CALM2: variants seen among roughly 807,000 people sequenced by gnomAD.
The protein encoded by CALM2 is calmodulin 2, also known as calmodulin-2.
CALM2 carries 2 observed loss-of-function variants against 19.8 expected under a neutral mutation model. The observed-to-expected ratio is 0.10, with a 90% confidence interval of 0.04 to 0.32. The LOEUF is 0.32. Among genes scored for constraint, CALM2 ranks in the 10% least tolerant of loss-of-function variants. The probability of loss-of-function intolerance (pLI) is 1.00; values close to 1 mark genes in which losing one functional copy is unlikely to be tolerated. For synonymous variants in CALM2, 51 were observed against 52.1 expected (o/e 0.98, Z 0.09); for missense variants, 38 against 178.7 (o/e 0.21, Z 4.49).
chr2:47,174,427 T>A (rs998223059), intron 1 of CALM2, among the ~76,000 whole-genome samples: 11 of 152,144 alleles, frequency 7.2e-5, no homozygotes, highest in Non-Finnish European at 1.2e-4. Flanking sequence ...TAATTTTTTT[T>A]AATTGGATTC....
intron 1 of CALM2, chr2:47,173,610 A>T (rs1352023359): frequency 1.3e-5 from 2 of 152,214 alleles, no homozygotes; most frequent in Non-Finnish European, 2.9e-5. Context: ...GCCATTCAAA[A>T]GTATGCATGA....
chr2:47,176,145 G>A (rs1049846789), intron 1 of CALM2: 5 of 454,804 alleles, frequency 1.1e-5, no homozygotes, highest in Non-Finnish European at 2.0e-5. Context: ...CCGTGCACTG[G>A]GCTGTCCCTC....
chr2:47,173,712 CTTCATCCA>C (rs1450657865), intron 1 of CALM2: 3 of 152,184 alleles, frequency 2.0e-5, no homozygotes, highest in Admixed American at 2.0e-4. Context: ...AACTGCTATC[CTTCATCCA>C]TTCCTGTCTG....
chr2:47,166,862 T>A (rs56272864), intron 2 of CALM2, among the ~76,000 whole-genome samples: 1 of 152,174 alleles, frequency 6.6e-6, no homozygotes, highest in African/African-American at 2.4e-5. Context: ...TTCTACATAA[T>A]TGATAGATAT....
Position 47,160,155 on chromosome 2 carries a change from G to C in CALM2, c.*621C>G, listed in dbSNP as rs1687112208. On this transcript the variant is annotated 3_prime_UTR_variant, in exon 6 of 6. Transcript: ENST00000272298. ...TCAACAGTTAAATGACTCAGATGCAGAGCAACCATTGGGTAAATTGTAATT... is the reference window on the plus strand; with the variant it reads ...TCAACAGTTAAATGACTCAGATGCACAGCAACCATTGGGTAAATTGTAATT... The C allele has an allele frequency of 6.6e-6, 1 of 152,554 alleles. No homozygotes were observed. The highest frequency in any genetic ancestry group is 2.4e-5 in the African/African-American group (1 of 41,428). 9.5% of individuals were successfully genotyped at this position (152,554 alleles called of 1,614,324 possible).
chr2:47,170,835 A>G, intron 1 of CALM2, 71 bp from the exon 2 acceptor site: 1 of 1,246,360 alleles, frequency 8.0e-7, no homozygotes, highest in East Asian at 2.3e-5. Context: ...AAACAAGTTT[A>G]AAACCTTTCA....
chr2:47,174,870 G>C (rs983004326), intron 1 of CALM2, among the ~76,000 whole-genome samples: 4 of 152,070 alleles, frequency 2.6e-5, no homozygotes, highest in African/African-American at 9.7e-5. Flanking sequence ...GAAGCATCAA[G>C]ATGAAGCAAA....
chr2:47,176,774 G>GGC (rs1666888295), upstream of CALM2: 5 of 985,332 alleles, frequency 5.1e-6, no homozygotes, highest in Non-Finnish European at 6.0e-6. Flanking sequence ...GCTACTTTGC[G>GGC]GCGCGGAGGA....
At chr2:47,171,464 T>G (rs951451005) in intron 1 of CALM2, 2 of 152,224 alleles carry the variant, frequency 1.3e-5, no homozygotes, top group Non-Finnish European at 2.9e-5. Context: ...ATCCCCTATC[T>G]TACAGATAAG....
chr2:47,175,803 C>T (rs1216130374), intron 1 of CALM2, among the ~76,000 whole-genome samples: 1 of 148,574 alleles, frequency 6.7e-6, no homozygotes, highest in Non-Finnish European at 1.5e-5. Flanking sequence ...CTCCGGGTCC[C>T]GCGAGGCGCT....
At chr2:47,174,696 G>C (rs1029312570) in intron 1 of CALM2, among the ~76,000 whole-genome samples, 15 of 151,474 alleles carry the variant, frequency 9.9e-5, no homozygotes, top group Non-Finnish European at 1.9e-4. Context: ...AAATCTATTC[G>C]AATTACTGAT....
At chr2:47,176,761 G>T, upstream of CALM2, 2 of 985,436 alleles carry the variant, frequency 2.0e-6, no homozygotes, top group South Asian at 9.4e-5. Flanking sequence ...GCCCCTGAGG[G>T]GCGCTACTTT....
chr2:47,167,047 T>A (rs1017882776), intron 2 of CALM2, among the ~76,000 whole-genome samples: 1 of 152,214 alleles, frequency 6.6e-6, no homozygotes, highest in African/African-American at 2.4e-5. Flanking sequence ...AAATAGGTTA[T>A]CACAAGACAA....
At chr2:47,168,112 A>G (rs1035348550) in intron 2 of CALM2, among the ~76,000 whole-genome samples, 3 of 152,104 alleles carry the variant, frequency 2.0e-5, no homozygotes, top group Admixed American at 6.6e-5. Flanking sequence ...GGAATATTCA[A>G]TGATTACTAT....
intron 1 of CALM2, chr2:47,174,169 G>A (rs757067392): frequency 6.6e-6 from 1 of 152,166 alleles, no homozygotes; most frequent in Non-Finnish European, 1.5e-5. Flanking sequence ...ATGAGCATAT[G>A]TTGATTACAT....
In CALM2 at chr2:47,175,231, G is replaced by A. The variant is rs149471975; in HGVS notation, c.3+1210C>T. ...ATCATACAAACGAAGTGTACGTCAA[G>A]ACGACCTGGCAACTTCTACACGGAA... On this transcript the variant is annotated intron_variant, in intron 1 of 5. Coordinates refer to ENST00000272298, the MANE Select transcript of CALM2 (RefSeq NM_001743.6). Among the ~76,000 whole-genome samples, 578 of 152,236 alleles carry A rather than the reference G, an allele frequency of 3.8e-3. 5 individuals carry two copies. The highest frequency in any genetic ancestry group is 6.4e-3 in the Non-Finnish European group (433 of 68,018).
At chr2:47,167,693 C>CAAAAAAAAAAAAAAAAAAAAAAAAAAAAA (rs58897204) in intron 2 of CALM2, 11 of 35,968 alleles carry the variant, frequency 3.1e-4, no homozygotes, top group African/African-American at 3.4e-4. Context: ...AGCTCCGTCT[C>CAAAAAAAAAAAAAAAAAAAAAAAAAAAAA]AAAAAAAAAA....
rs1417054011 is a variant in CALM2 at position 47,160,546 on chromosome 2, T to C, written c.*230A>G. On this transcript the variant is annotated 3_prime_UTR_variant, in exon 6 of 6. Transcript: ENST00000272298. ...TTAGATGTGCAGAAGGGCTTAGATATATCCAGAGTAAGCCACATGCAACAT... is the reference window on the plus strand; with the variant it reads ...TTAGATGTGCAGAAGGGCTTAGATACATCCAGAGTAAGCCACATGCAACAT... 4.9e-6 allele frequency: 2 copies of C among 407,460 alleles called. No homozygotes were observed. The highest frequency in any genetic ancestry group is 4.4e-5 in the Admixed American group (1 of 22,758). 25.2% of individuals were successfully genotyped at this position (407,460 alleles called of 1,614,324 possible). A position where few individuals can be genotyped will look rare whatever the true frequency, so the allele number is the denominator to read the frequency against.
intron 1 of CALM2, chr2:47,174,221 T>A (rs1666770416): frequency 6.6e-6 from 1 of 152,198 alleles, no homozygotes; most frequent in African/African-American, 2.4e-5. Context: ...TTTACTTCCG[T>A]ATAAAATTTT....
Sources: allele counts gnomAD v4.1 joint callset (sites outside exome capture counted in the v4.1 genomes callset), GRCh38; gene constraint gnomAD v4.1.1; transcripts MANE v1.5; gene names NCBI Gene and HGNC (gene_info 2026-07-23, HGNC 2026-07-21).